TAOK3: variants seen among roughly 807,000 people sequenced by gnomAD.
TAOK3 encodes the protein serine/threonine-protein kinase TAO3.
A neutral mutation model predicts 120.4 loss-of-function variants in TAOK3; 40 were observed. The observed-to-expected ratio is 0.33, with a 90% CI of 0.26 to 0.43. The LOEUF (loss-of-function observed/expected upper bound fraction) is 0.43, where lower values mean the gene tolerates loss of function less well. TAOK3 is among the 20% of genes least tolerant of loss of function. The pLI is 1.00. For synonymous variants in TAOK3, 355 were observed against 387.5 expected (o/e 0.92, Z 0.99); for missense variants, 821 against 1,112.1 (o/e 0.74, Z 3.72).
intron 10 of TAOK3, among the ~76,000 whole-genome samples, chr12:118,213,434 C>T (rs556448951): frequency 1.3e-4 from 20 of 152,240 alleles, no homozygotes; most frequent in African/African-American, 4.6e-4. Context: ...CAGGAGTAGG[C>T]TTCCTGAACA....
intron 11 of TAOK3, among the ~76,000 whole-genome samples, chr12:118,204,225 C>G (rs1414642155): frequency 1.3e-5 from 2 of 150,502 alleles, no homozygotes; most frequent in African/African-American, 4.9e-5. Flanking sequence ...CGAGATTGCA[C>G]CACAGCACTC....
Position 118,161,778 on chromosome 12 carries a change from C to T in TAOK3, c.2139+10G>A, listed in dbSNP as rs767788957. 2 of 1,614,086 alleles carry T rather than the reference C, an allele frequency of 1.2e-6. No homozygotes were observed. The highest frequency in any genetic ancestry group is 2.2e-5 in the South Asian group (2 of 91,068). ...TCTGGTCCAACACTGTCCAGCAGCA[C>T]AAATCTTACCTTTAAGTTTTTTGGC... On this transcript the variant is annotated intron_variant, in intron 18 of 20. Transcript: ENST00000392533. This position sits in a 1 kb window ranked among gnomAD's most constrained non-coding sequence, Gnocchi z 4.5.
Position 118,172,586 on chromosome 12 carries a change from C to T in TAOK3, c.1770G>A (p.Gln590=). The T allele has an allele frequency of 6.2e-7, 1 of 1,614,176 alleles. No homozygotes were observed. The highest frequency in any genetic ancestry group is 1.6e-4 in the Middle Eastern group (1 of 6,062). Residue 590 remains glutamine, a synonymous_variant, in exon 17 of 21, where the codon CAG becomes CAA. Transcript: ENST00000392533. ...GGGCTTCCTCTTCAGCCTGTGTGTGCTGCAAGTTCTCTTTATGTTTGGAGA... is the reference window on the plus strand; with the variant it reads ...GGGCTTCCTCTTCAGCCTGTGTGTGTTGCAAGTTCTCTTTATGTTTGGAGA... The part of the protein sequence containing the change: ...ERISKHKENL[Q]HTQAEEEAHL...
chr12:118,178,512 C>T (rs2036490432), intron 15 of TAOK3, among the ~76,000 whole-genome samples: 2 of 151,898 alleles, frequency 1.3e-5, no homozygotes, highest in African/African-American at 2.4e-5. Flanking sequence ...GGCTCGAGTG[C>T]GGTGGCATGA....
intron 1 of TAOK3, among the ~76,000 whole-genome samples, chr12:118,345,835 GA>G (rs2044835184): frequency 6.6e-6 from 1 of 151,990 alleles, no homozygotes; most frequent in South Asian, 2.1e-4. Context: ...CACTTTGTAA[GA>G]ATAAAGACTA....
intron 1 of TAOK3, among the ~76,000 whole-genome samples, chr12:118,353,865 A>AT (rs578128040): frequency 4.7e-4 from 71 of 150,346 alleles, no homozygotes; most frequent in African/African-American, 8.8e-4. Flanking sequence ...ACGGCTAAAC[A>AT]TTTTTTTTTT....
chr12:118,271,539 T>A (rs1454401262), intron 1 of TAOK3, among the ~76,000 whole-genome samples: 1 of 152,252 alleles, frequency 6.6e-6, no homozygotes, highest in African/African-American at 2.4e-5. Context: ...AATATTCCAT[T>A]ATATGGATAT....
At chr12:118,253,761 A>C (rs139047065) in intron 3 of TAOK3, among the ~76,000 whole-genome samples, 15,266 of 147,772 alleles carry the variant, frequency 0.1, 877 homozygotes, top group Non-Finnish European at 0.13. Context: ...CAAACAAAAA[A>C]AAAAAAACAG....
intron 1 of TAOK3, among the ~76,000 whole-genome samples, chr12:118,277,136 A>G (rs1460528154): frequency 6.6e-6 from 1 of 152,248 alleles, no homozygotes; most frequent in Non-Finnish European, 1.5e-5. Context: ...TGTTGATACA[A>G]TAACTTCCAA....
intron 3 of TAOK3, among the ~76,000 whole-genome samples, chr12:118,248,934 AT>A (rs1018880120): frequency 3.9e-5 from 6 of 152,090 alleles, no homozygotes; most frequent in Non-Finnish European, 8.8e-5. Flanking sequence ...ATAGATGTGA[AT>A]TTTTATACTG....
intron 16 of TAOK3, among the ~76,000 whole-genome samples, chr12:118,176,477 C>G (rs1239540007): frequency 2.6e-5 from 4 of 152,016 alleles, no homozygotes. Context: ...GTAGAATGAC[C>G]AGATTTATGG....
intron 1 of TAOK3, among the ~76,000 whole-genome samples, chr12:118,277,215 C>T (rs1320803331): frequency 2.6e-5 from 4 of 152,188 alleles, no homozygotes; most frequent in African/African-American, 7.2e-5. Flanking sequence ...CATTAGACCA[C>T]GTTTCTCTAC....
intron 15 of TAOK3, among the ~76,000 whole-genome samples, chr12:118,178,244 G>A (rs1247914086): frequency 6.6e-6 from 1 of 152,164 alleles, no homozygotes; most frequent in Non-Finnish European, 1.5e-5. Context: ...GAGCCACCAT[G>A]CCCGGTCAGA....
At chr12:118,189,054 T>C (rs1384254344) in intron 14 of TAOK3, among the ~76,000 whole-genome samples, 1 of 152,192 alleles carries the variant, frequency 6.6e-6, no homozygotes, top group Non-Finnish European at 1.5e-5. Flanking sequence ...CAATCACATT[T>C]GCAATAGTAA....
chr12:118,186,372 T>C (rs1468238245), intron 14 of TAOK3, among the ~76,000 whole-genome samples: 1 of 152,162 alleles, frequency 6.6e-6, no homozygotes, highest in Non-Finnish European at 1.5e-5. Context: ...GATACACTGC[T>C]CTTTATATTA....
rs553761966 is a variant in TAOK3, at chr12:118,179,667, G to A, written c.1566+1704C>T. Among the ~76,000 whole-genome samples, 8 of 138,884 alleles carry A rather than the reference G, an allele frequency of 5.8e-5. No homozygotes were observed. In the East Asian group the frequency reaches 6.2e-4, roughly 11 times the overall value. 91.1% of individuals were successfully genotyped at this position (138,884 alleles called of 152,430 possible). ...TGTTTTTTTTTTTTTTTTTTCAGTCGGAGTCTTGTTCTTGTTGCCCAGGCT... is the reference window on the plus strand; with the variant it reads ...TGTTTTTTTTTTTTTTTTTTCAGTCAGAGTCTTGTTCTTGTTGCCCAGGCT... On this transcript the variant is annotated intron_variant, in intron 15 of 20. Coordinates refer to ENST00000392533, the MANE Select transcript of TAOK3 (RefSeq NM_016281.4).
intron 2 of TAOK3, among the ~76,000 whole-genome samples, chr12:118,264,900 G>T (rs2140253473): frequency 6.6e-6 from 1 of 150,788 alleles, no homozygotes; most frequent in East Asian, 2.0e-4. Flanking sequence ...TGGGTGTGGT[G>T]GTGCATGCCT....
intron 1 of TAOK3, among the ~76,000 whole-genome samples, chr12:118,354,444 C>G (rs904284751): frequency 1.3e-5 from 2 of 152,166 alleles, no homozygotes; most frequent in South Asian, 2.1e-4. Flanking sequence ...TTTCATCACA[C>G]TACTCAAAAG....
chr12:118,177,641 T>A (rs1370524968), intron 15 of TAOK3, among the ~76,000 whole-genome samples: 2 of 151,790 alleles, frequency 1.3e-5, no homozygotes, highest in African/African-American at 4.8e-5. Flanking sequence ...TTGACCAACA[T>A]GGTGAAACCC....
Sources: allele counts gnomAD v4.1 joint callset (sites outside exome capture counted in the v4.1 genomes callset), GRCh38; gene constraint gnomAD v4.1.1; non-coding constraint Gnocchi (gnomAD v3.1); transcripts MANE v1.5; gene names NCBI Gene and HGNC (gene_info 2026-07-23, HGNC 2026-07-21).